Variants in GSDME observed in about 807,000 individuals in gnomAD.
The protein encoded by GSDME is gasdermin E, also known as gasdermin-E.
Under a neutral mutation model 47.5 loss-of-function variants are expected in GSDME, and 44 were observed. The ratio of observed to expected loss-of-function variants is 0.93; its 90% CI spans 0.73 to 1.19. The LOEUF is 1.19. Ranked by LOEUF, GSDME falls within the 50% of genes most tolerant of loss-of-function variation. The pLI is 0.00. For missense variants in GSDME, 663 were observed against 604.2 expected (o/e 1.10, Z -1.02); for synonymous variants, 258 against 252.8 (o/e 1.02, Z -0.20).
At chr7:24,717,912 G>A (rs576613133) in intron 4 of GSDME, among the ~76,000 whole-genome samples, 1 of 152,184 alleles carries the variant, frequency 6.6e-6, no homozygotes, top group Non-Finnish European at 1.5e-5. Context: ...CCAAGCTCCT[G>A]CCTTTAAACA....
chr7:24,726,617 A>C lies in GSDME; in HGVS notation c.405-7399T>G, dbSNP rs1193743993. Among the ~76,000 whole-genome samples the C allele has an allele frequency of 6.6e-6, 1 of 152,088 alleles. No homozygotes were observed. Among genetic ancestry groups the C allele is most frequent in the African/African-American group, 2.4e-5 (1 of 41,408 alleles). ...GGCGGGCGGATCACGAGGTCAGGAG[A>C]TCGAGACCATCCTGGTTAATATGGT... On this transcript the variant is annotated intron_variant, in intron 3 of 9. Transcript: ENST00000645220. The surrounding 1 kb of genome is among the most constrained non-coding windows in gnomAD (Gnocchi z 5.6).
the GSDME span, among the ~76,000 whole-genome samples, chr7:24,766,358 G>T: frequency 2.0e-5 from 3 of 151,688 alleles, no homozygotes; most frequent in Non-Finnish European, 4.4e-5. The surrounding 1 kb of genome is among the most constrained non-coding windows in gnomAD (Gnocchi z 4.2). Flanking sequence ...AGATGTGCAG[G>T]TTTGTTACAC....
At chr7:24,761,489 G>A (rs1584119621), upstream of GSDME, among the ~76,000 whole-genome samples, 1 of 152,060 alleles carries the variant, frequency 6.6e-6, no homozygotes, top group South Asian at 2.1e-4. The surrounding 1 kb of genome is among the most constrained non-coding windows in gnomAD (Gnocchi z 4.4). Context: ...CTCTTATAAG[G>A]GCACTAATCC....
chr7:24,768,224 C>T, the GSDME span, among the ~76,000 whole-genome samples: 1 of 152,210 alleles, frequency 6.6e-6, no homozygotes, highest in South Asian at 2.1e-4. The surrounding 1 kb of genome is among the most constrained non-coding windows in gnomAD (Gnocchi z 5.6). Context: ...GGACCAAAAA[C>T]TCTGGTGTGC....
the GSDME span, among the ~76,000 whole-genome samples, chr7:24,784,386 G>A: frequency 6.6e-6 from 1 of 152,206 alleles, no homozygotes; most frequent in Non-Finnish European, 1.5e-5. Context: ...GCCAGTAGTT[G>A]CTCAGTCAGA....
intron 3 of GSDME, among the ~76,000 whole-genome samples, chr7:24,727,755 G>GCC (rs1790016232): frequency 6.6e-6 from 1 of 152,164 alleles, no homozygotes; most frequent in African/African-American, 2.4e-5. Context: ...TTCAGTAACT[G>GCC]CCCCCCTAAA....
chr7:24,703,342 T>C (rs1472058585), intron 8 of GSDME: 1 of 257,018 alleles, frequency 3.9e-6, no homozygotes, highest in Non-Finnish European at 7.6e-6. Context: ...AGTGTAGCTT[T>C]ATCAGTGCAG....
intron 8 of GSDME, 175 bp from the exon 9 acceptor site, chr7:24,703,008 T>G: frequency 1.7e-6 from 1 of 583,904 alleles, no homozygotes; most frequent in Non-Finnish European, 3.2e-6. Context: ...AGCAAAGACC[T>G]TGTAGAAAAC....
chr7:24,750,275 C>T (rs907503621), intron 1 of GSDME, among the ~76,000 whole-genome samples: 12 of 152,152 alleles, frequency 7.9e-5, no homozygotes, highest in Admixed American at 2.6e-4. Flanking sequence ...GAACTAGTCA[C>T]ATGGCTTCAA....
chr7:24,770,953 AAG>A, the GSDME span, among the ~76,000 whole-genome samples: 6 of 151,816 alleles, frequency 4.0e-5, no homozygotes, highest in Non-Finnish European at 5.9e-5. This position sits in a 1 kb window ranked among gnomAD's most constrained non-coding sequence, Gnocchi z 4.6. Flanking sequence ...GAAATATAAG[AAG>A]AGAGAGAGAG....
Position 24,757,347 on chromosome 7 carries a change from G to C in GSDME, c.-20+49C>G, listed in dbSNP as rs1791065578. ...ACCCAAACAGACCAAAGAGGATCCG[G>C]AGTGGAGCCCGGAGCGGATCCCGCA... On this transcript the variant is annotated intron_variant, in intron 1 of 9. Coordinates refer to ENST00000645220, the MANE Select transcript of GSDME (RefSeq NM_001127453.2). This position sits in a 1 kb window ranked among gnomAD's most constrained non-coding sequence, Gnocchi z 5.9. 6.6e-6 allele frequency: 1 copy of C among 152,348 alleles called. No homozygotes were observed. The highest frequency in any genetic ancestry group is 1.5e-5 in the Non-Finnish European group (1 of 68,184). The allele number at this position is 152,348 out of a possible 1,614,324, so 9.4% of individuals were successfully genotyped here. A position where few individuals can be genotyped will look rare whatever the true frequency, so the allele number is the denominator to read the frequency against.
At position 24,735,777 on chromosome 7, in the gene GSDME, A is replaced by G. The variant is rs891605057; in HGVS notation, c.404+8785T>C. Among the ~76,000 whole-genome samples the G allele has an allele frequency of 1.4e-5, 2 of 144,804 alleles. No homozygotes were observed. Among genetic ancestry groups the G allele is most frequent in the African/African-American group, 2.7e-5 (1 of 37,476 alleles). The allele number at this position is 144,804 out of a possible 152,430, so 95.0% of individuals were successfully genotyped here. A position where few individuals can be genotyped will look rare whatever the true frequency, so the allele number is the denominator to read the frequency against. ...CTATCTCAAAAATAAATAAATAAAT[A>G]AATAAATAAATAAATAAATAAATAA... is the stretch of plus-strand genomic sequence containing the variant. On this transcript the variant is annotated intron_variant, in intron 3 of 9. Coordinates refer to ENST00000645220, the MANE Select transcript of GSDME (RefSeq NM_001127453.2). The surrounding 1 kb of genome is among the most constrained non-coding windows in gnomAD (Gnocchi z 4.4).
chr7:24,768,265 G>C, the GSDME span, among the ~76,000 whole-genome samples: 7 of 152,346 alleles, frequency 4.6e-5, no homozygotes, highest in East Asian at 1.3e-3. This position sits in a 1 kb window ranked among gnomAD's most constrained non-coding sequence, Gnocchi z 5.6. Context: ...GGACAACGGA[G>C]AAACACCTGC....
chr7:24,760,445 C>T (rs1029899634), upstream of GSDME, among the ~76,000 whole-genome samples: 1 of 152,202 alleles, frequency 6.6e-6, no homozygotes, highest in African/African-American at 2.4e-5. The surrounding 1 kb of genome is among the most constrained non-coding windows in gnomAD (Gnocchi z 4.2). Context: ...CAGCCTACCA[C>T]TTACCAGCTG....
rs1789986447 is a variant in GSDME at position 24,726,834 on chromosome 7, CGAG to C, written c.405-7619_405-7617del. Among the ~76,000 whole-genome samples, 1 of 150,492 alleles carries C rather than the reference CGAG, an allele frequency of 6.6e-6. No individual in the cohort carries two copies. The highest frequency in any genetic ancestry group is 1.5e-5 in the Non-Finnish European group (1 of 67,728). ...AAAAAAAAAAAAAAACCAATGGCCTCGAGGAAGAGTTTCCAATGGAAACCCTGG... is the reference window on the plus strand; with the variant it reads ...AAAAAAAAAAAAAAACCAATGGCCTCGAAGAGTTTCCAATGGAAACCCTGG... On this transcript the variant is annotated intron_variant, in intron 3 of 9. Transcript: ENST00000645220. The surrounding 1 kb of genome is among the most constrained non-coding windows in gnomAD (Gnocchi z 5.6).
the GSDME span, among the ~76,000 whole-genome samples, chr7:24,764,939 A>C: frequency 6.6e-6 from 1 of 152,228 alleles, no homozygotes; most frequent in Non-Finnish European, 1.5e-5. This position sits in a 1 kb window ranked among gnomAD's most constrained non-coding sequence, Gnocchi z 4.4. Flanking sequence ...AGAAGCTTAC[A>C]ACCACTAGAG....
chr7:24,757,206 G>A lies in GSDME; in HGVS notation c.-20+190C>T, dbSNP rs1398179777. ...ATGCGGGAGGCGAGGGGAGCGACGG[G>A]ACCTGCCGTTCCGGCGGCCGGGCAG... On this transcript the variant is annotated intron_variant, in intron 1 of 9. Coordinates refer to ENST00000645220, the MANE Select transcript of GSDME (RefSeq NM_001127453.2). The surrounding 1 kb of genome is among the most constrained non-coding windows in gnomAD (Gnocchi z 5.9). 6.6e-6 allele frequency among the ~76,000 whole-genome samples: 1 copy of A among 151,598 alleles called. No homozygotes were observed. Among genetic ancestry groups the A allele is most frequent in the Non-Finnish European group, 1.5e-5 (1 of 67,848 alleles).
chr7:24,766,212 T>TGC, the GSDME span, among the ~76,000 whole-genome samples: 84 of 137,910 alleles, frequency 6.1e-4, 1 homozygote, highest in South Asian at 1.7e-3. The surrounding 1 kb of genome is among the most constrained non-coding windows in gnomAD (Gnocchi z 4.2). Flanking sequence ...TGTGTGTGTG[T>TGC]GTGCATGTTT....
At position 24,744,318 on chromosome 7, in the gene GSDME, C is replaced by A; in HGVS notation, c.404+244G>T. 3.6e-6 allele frequency: 2 copies of A among 553,048 alleles called. No homozygotes were observed. The highest frequency in any genetic ancestry group is 3.0e-5 in the Admixed American group (1 of 32,828). 34.3% of individuals were successfully genotyped at this position (553,048 alleles called of 1,614,324 possible). On this transcript the variant is annotated intron_variant, in intron 3 of 9. Transcript: ENST00000645220. This position sits in a 1 kb window ranked among gnomAD's most constrained non-coding sequence, Gnocchi z 4.5. The stretch of plus-strand genomic sequence containing the variant: ...ATAAATCATGTGATTGAAGGAAGTA[C>A]ATATTTGCCTGAAGTAACATCCTTT...
Sources: allele counts gnomAD v4.1 joint callset (sites outside exome capture counted in the v4.1 genomes callset), GRCh38; gene constraint gnomAD v4.1.1; non-coding constraint Gnocchi (gnomAD v3.1); transcripts MANE v1.5; gene names NCBI Gene and HGNC (gene_info 2026-07-23, HGNC 2026-07-21).